The following EDA variants were observed in gnomAD, a reference collection of about 807,000 sequenced individuals.
EDA encodes ectodysplasin-A.
A neutral mutation model predicts 23.6 loss-of-function variants in EDA; 2 were observed. The ratio of observed to expected loss-of-function variants is 0.08; its 90% CI spans 0.03 to 0.27. The LOEUF is 0.27. EDA is among the 10% of genes least tolerant of loss of function. The pLI, the probability that EDA is intolerant of heterozygous loss-of-function variation, is 1.00. For synonymous variants in EDA, 131 were observed against 132.0 expected (o/e 0.99, Z 0.05); for missense variants, 229 against 324.2 (o/e 0.71, Z 2.26).
intron 1 of EDA, among the ~76,000 whole-genome samples, chrX:69,628,415 C>G (rs748830789): frequency 9.0e-6 from 1 of 111,463 alleles, no homozygotes; most frequent in South Asian, 3.8e-4. Flanking sequence ...GACTCAACCC[C>G]CACTCCATTG....
chrX:69,836,274 C>G (rs1033293861), intron 1 of EDA, among the ~76,000 whole-genome samples: 1 of 112,501 alleles, frequency 8.9e-6, no homozygotes, highest in Admixed American at 9.4e-5. Flanking sequence ...TCAGAGCTGT[C>G]AGACAGGGAC....
At chrX:69,846,986 A>G (rs1393080924) in intron 1 of EDA, among the ~76,000 whole-genome samples, 4 of 111,838 alleles carry the variant, frequency 3.6e-5, no homozygotes, top group East Asian at 2.8e-4. Flanking sequence ...TGAGAATGGC[A>G]GAGACTAAAG....
chrX:69,984,078 C>A (rs866768545), intron 2 of EDA, among the ~76,000 whole-genome samples: 17 of 82,368 alleles, frequency 2.1e-4, no homozygotes, highest in African/African-American at 7.3e-4. Context: ...CCAACGAGAA[C>A]AAAGACACCA....
chrX:69,851,175 G>GTA (rs2017121828), intron 1 of EDA, among the ~76,000 whole-genome samples: 1 of 110,935 alleles, frequency 9.0e-6, no homozygotes, highest in Non-Finnish European at 1.9e-5. Flanking sequence ...GTGTGTGTGT[G>GTA]TGTGTGTGCA....
In EDA at chrX:69,963,740, G is replaced by A. The variant is rs139038323; in HGVS notation, c.502+6608G>A. Among the ~76,000 whole-genome samples, 1,050 of 111,637 alleles carry A rather than the reference G, an allele frequency of 9.4e-3. 6 individuals are homozygous for A. Among genetic ancestry groups the A allele is most frequent in the African/African-American group, 0.032 (972 of 30,741 alleles). On this transcript the variant is annotated intron_variant, in intron 2 of 7. Coordinates refer to ENST00000374552, the MANE Select transcript of EDA (RefSeq NM_001399.5). Reference sequence around the variant, plus strand: ...TTAGAATACCAACTGCTTGTAAGACGTTGTACCAGGTTCTGTAATTGGTAT... The same window carrying A: ...TTAGAATACCAACTGCTTGTAAGACATTGTACCAGGTTCTGTAATTGGTAT...
chrX:69,686,544 A>T (rs758030796), intron 1 of EDA, among the ~76,000 whole-genome samples: 40 of 111,712 alleles, frequency 3.6e-4, no homozygotes, highest in Non-Finnish European at 4.1e-4. Context: ...TTTTAGAGAC[A>T]CAAAAGGAAA....
rs766478820 is a variant in EDA at position 69,993,350 on chromosome X, G to A, written c.503-29868G>A. On this transcript the variant is annotated intron_variant, in intron 2 of 7. Transcript: ENST00000374552. ...TAGTAAAGGAACTTTGAGGATCAGG[G>A]GTAGGGATTAACACTGATTAAGTAC... Among the ~76,000 whole-genome samples the A allele has an allele frequency of 2.1e-3, 229 of 110,926 alleles. 1 individual carries two copies. Among genetic ancestry groups the A allele is most frequent in the Non-Finnish European group, 3.7e-3 (197 of 52,861 alleles).
intron 1 of EDA, among the ~76,000 whole-genome samples, chrX:69,926,898 C>T (rs1283546173): frequency 4.5e-5 from 5 of 111,439 alleles, no homozygotes; most frequent in Admixed American, 3.8e-4. Flanking sequence ...TTGCCTTTAC[C>T]GTTTTGTAAT....
intron 1 of EDA, among the ~76,000 whole-genome samples, chrX:69,858,728 A>C (rs1056008628): frequency 8.9e-6 from 1 of 112,046 alleles, no homozygotes; most frequent in Non-Finnish European, 1.9e-5. Flanking sequence ...TTTGGTATTC[A>C]GATGATGCTA....
intron 1 of EDA, chrX:69,937,405 G>T: frequency 1.4e-6 from 1 of 705,481 alleles, no homozygotes; most frequent in Non-Finnish European, 2.3e-6. Flanking sequence ...CCATCTTTGA[G>T]ATGTTTGCAG....
intron 1 of EDA, among the ~76,000 whole-genome samples, chrX:69,887,316 A>G (rs1338675909): frequency 9.0e-6 from 1 of 111,572 alleles, no homozygotes; most frequent in Non-Finnish European, 1.9e-5. Context: ...CAAAAAAATA[A>G]TAAAAACAAA....
intron 2 of EDA, among the ~76,000 whole-genome samples, chrX:69,998,669 A>C (rs963966904): frequency 8.9e-6 from 1 of 112,016 alleles, no homozygotes; most frequent in East Asian, 2.8e-4. Flanking sequence ...TTGTACTCCC[A>C]TAATTCCCAT....
At chrX:69,747,349 T>G (rs1441141510) in intron 1 of EDA, among the ~76,000 whole-genome samples, 1 of 112,188 alleles carries the variant, frequency 8.9e-6, no homozygotes, top group Non-Finnish European at 1.9e-5. Flanking sequence ...AGCCCTGAAA[T>G]AAGAAGTGTT....
chrX:69,876,649 A>G (rs1258472305), intron 1 of EDA, among the ~76,000 whole-genome samples: 4 of 111,131 alleles, frequency 3.6e-5, no homozygotes, highest in African/African-American at 1.3e-4. Context: ...CTTTCCCTAT[A>G]GTTTTGCCTT....
intron 1 of EDA, among the ~76,000 whole-genome samples, chrX:69,730,706 GC>G (rs756324633): frequency 1.4e-4 from 16 of 111,731 alleles, no homozygotes; most frequent in African/African-American, 5.2e-4. Context: ...GTTTGATTTG[GC>G]AAAGGAAAAT....
chrX:69,734,143 T>A (rs1385592845), intron 1 of EDA, among the ~76,000 whole-genome samples: 1 of 111,899 alleles, frequency 8.9e-6, no homozygotes, highest in African/African-American at 3.2e-5. Flanking sequence ...TCAGATTATC[T>A]ATTTTTTTCT....
chrX:70,013,811 C>T (rs2019908943), intron 2 of EDA, among the ~76,000 whole-genome samples: 1 of 111,487 alleles, frequency 9.0e-6, no homozygotes, highest in African/African-American at 3.3e-5. Context: ...GGAAAAGGAA[C>T]TAAGATCCTG....
chrX:69,704,219 AGCTGG>A lies in EDA; in HGVS notation c.396+87517_396+87521del, dbSNP rs761867015. 1.5e-4 allele frequency among the ~76,000 whole-genome samples: 17 copies of A among 111,948 alleles called. 1 individual carries two copies. Among genetic ancestry groups the A allele is most frequent in the Admixed American group, 6.6e-4 (7 of 10,547 alleles). ...GGTCTGGAAAGGCAAGGCAACTGGA[AGCTGG>A]GGTTTCCAGGTCATAGGCAGATTCA... On this transcript the variant is annotated intron_variant, in intron 1 of 7. Coordinates refer to ENST00000374552, the MANE Select transcript of EDA (RefSeq NM_001399.5).
Position 70,035,443 on chromosome X carries a change from A to T in EDA, c.1010A>T (p.Glu337Val), listed in dbSNP as rs747675199. The change falls in exon 8 of 8, where the codon GAG becomes GTG. Residue 337 changes from glutamate (E) to valine (V), a missense_variant. Coordinates refer to ENST00000374552, the MANE Select transcript of EDA (RefSeq NM_001399.5). ...KPFLQCTRSI[E>V]TGKTNYNTCY... ...TTCCTGCAGTGCACACGCAGCATCG[A>T]GACGGGCAAGACCAACTACAACACT... 1.8e-5 allele frequency: 22 copies of T among 1,207,870 alleles called. No homozygotes were observed. The highest frequency in any genetic ancestry group is 5.3e-5 in the African/African-American group (3 of 56,521).
Sources: allele counts gnomAD v4.1 joint callset (sites outside exome capture counted in the v4.1 genomes callset), GRCh38; gene constraint gnomAD v4.1.1; transcripts MANE v1.5; gene names NCBI Gene and HGNC (gene_info 2026-07-23, HGNC 2026-07-21).